The following KIF12 variants were observed in gnomAD, a reference collection of about 807,000 sequenced individuals.
KIF12 encodes kinesin-like protein KIF12.
In KIF12, 80 loss-of-function variants were observed where a neutral mutation model predicts 87.9. That is an observed-to-expected ratio of 0.91 (90% confidence interval 0.76 to 1.10). KIF12 has a LOEUF of 1.10. Ranked by LOEUF, KIF12 falls within the 50% of genes least tolerant of loss-of-function variation. KIF12 has a pLI of 0.00. For missense variants in KIF12, 819 were observed against 865.3 expected (o/e 0.95, Z 0.67); for synonymous variants, 353 against 348.5 (o/e 1.01, Z -0.14).
chr9:114,097,366 T>A lies in KIF12; in HGVS notation c.581A>T (p.Tyr194Phe). The change falls in exon 7 of 19, where the codon TAT becomes TTT. Residue 194 changes from tyrosine (Y) to phenylalanine (F), a missense_variant. Physicochemically the swap from Tyr to Phe is conservative, Grantham distance 22. Coordinates refer to ENST00000640217, the MANE Select transcript of KIF12 (RefSeq NM_001388308.1). Reference sequence around the variant, plus strand: ...TTCCACCACCCGCAGCTGCTCCACATAGAAGCCCCGAGTCTTGTTCCAGCG... The same window carrying A: ...TTCCACCACCCGCAGCTGCTCCACAAAGAAGCCCCGAGTCTTGTTCCAGCG... ...PVRWNKTRGF[Y>F]VEQLRVVEFG... The A allele has an allele frequency of 6.2e-7, 1 of 1,609,704 alleles. No individual in the cohort carries two copies. The highest frequency in any genetic ancestry group is 2.2e-5 in the East Asian group (1 of 44,786).
Position 114,097,648 on chromosome 9 carries a change from C to T in KIF12, c.469G>A (p.Val157Ile), listed in dbSNP as rs1359742737. Reference sequence around the variant, plus strand: ...TCCAGATAAGAGGCGCGAAGGGTGACAGGGGCACCCAGGTGCTGCACGCGG... The same window carrying T: ...TCCAGATAAGAGGCGCGAAGGGTGATAGGGGCACCCAGGTGCTGCACGCGG... Reference protein sequence around the residue: ...LDRVQHLGAPVTLRASYLEIY... With the variant: ...LDRVQHLGAPITLRASYLEIY... Residue 157 changes from valine (V) to isoleucine (I), a missense_variant, in exon 6 of 19, where the codon GTC becomes ATC. Physicochemically the swap from Val to Ile is conservative, Grantham distance 29 (BLOSUM62 3). Transcript: ENST00000640217. 6.2e-7 allele frequency: 1 copy of T among 1,613,056 alleles called. No individual in the cohort carries two copies. The highest frequency in any genetic ancestry group is 8.5e-7 in the Non-Finnish European group (1 of 1,179,720).
At chr9:114,094,552 C>T in intron 11 of KIF12, 97 bp from the exon 12 acceptor site, 1 of 703,228 alleles carries the variant, frequency 1.4e-6, no homozygotes, top group South Asian at 1.8e-5. Flanking sequence ...GCCTAAAATC[C>T]AGCCCATGCT....
In KIF12 at chr9:114,094,240, C is replaced by A. The variant is rs754456860; in HGVS notation, c.1254G>T (p.Trp418Cys). The A allele has an allele frequency of 4.3e-6, 7 of 1,614,046 alleles. No individual in the cohort carries two copies. The highest frequency in any genetic ancestry group is 5.9e-6 in the Non-Finnish European group (7 of 1,180,014). ...ASGLSGARVA[W>C]AQRNLYGMLQ... ...GCATCCCGTACAGGTTCCGCTGGGC[C>A]CAGGCCACCCGGGCTCCACTGAGCC... Residue 418 changes from tryptophan to cysteine, a missense_variant, in exon 13 of 19, where the codon TGG (tryptophan) becomes TGT (cysteine). Coordinates refer to ENST00000640217, the MANE Select transcript of KIF12 (RefSeq NM_001388308.1).
intron 5 of KIF12, 70 bp from the exon 6 acceptor site, chr9:114,097,811 T>C: frequency 1.3e-6 from 2 of 1,503,780 alleles, no homozygotes; most frequent in South Asian, 2.5e-5. Flanking sequence ...GCATGTATGA[T>C]ACCGTGCGCC....
chr9:114,099,094 T>A lies in KIF12; in HGVS notation c.92+10A>T. 6.4e-7 allele frequency: 1 copy of A among 1,550,442 alleles called. No individual in the cohort carries two copies. The highest frequency in any genetic ancestry group is 1.2e-5 in the South Asian group (1 of 84,046). On this transcript the variant is annotated intron_variant, in intron 2 of 18. Transcript: ENST00000640217. ...CTCGCCCAGGTGCCTCCTAGCCAAT[T>A]TATACCCACCTGAGCACCACCTGGA...
chr9:114,097,985 T>C (rs1450413061), intron 5 of KIF12, 130 bp downstream of exon 5: 7 of 1,032,816 alleles, frequency 6.8e-6, no homozygotes, highest in Non-Finnish European at 8.3e-6. Flanking sequence ...AGCGTCCTCG[T>C]CTGCAAACAA....
rs779584009 is a variant in KIF12, at chr9:114,095,384, T to G, written c.896-52A>C. 3.2e-6 allele frequency: 5 copies of G among 1,562,746 alleles called. No individual in the cohort carries two copies. The South Asian group carries it at 4.6e-5, about 15-fold the overall frequency. On this transcript the variant is annotated intron_variant, in intron 9 of 18. Transcript: ENST00000640217. ...AGGTTACATCACTTGCCTAGGGCCA[T>G]CAGGCTGGGATGCTGCAGAGTTGGG...
chr9:114,097,949 G>T (rs1588508299), intron 5 of KIF12, 166 bp downstream of exon 5: 2 of 931,552 alleles, frequency 2.1e-6, no homozygotes, highest in South Asian at 1.8e-5. Flanking sequence ...GCTCCAAATT[G>T]GGCAAGTCCC....
In KIF12 at chr9:114,096,186, C is replaced by A; in HGVS notation, c.760G>T (p.Asp254Tyr). The A allele has an allele frequency of 6.2e-7, 1 of 1,613,938 alleles. No individual in the cohort carries two copies. The highest frequency in any genetic ancestry group is 8.5e-7 in the Non-Finnish European group (1 of 1,179,998). ...RQTAQQMPSV[D>Y]PGEPPVGGKL... ...CCACCAACAGGGGGCTCCCCAGGGT[C>A]CACAGAAGGCATCTGCTGGGCCTGA... is the stretch of plus-strand genomic sequence containing the variant. Residue 254 changes from aspartate (D) to tyrosine (Y), a missense_variant, in exon 9 of 19, where the codon GAC (aspartate) becomes TAC (tyrosine). Transcript: ENST00000640217.
rs774296266 is a variant in KIF12 at position 114,096,399 on chromosome 9, G to C, written c.726C>G (p.Ile242Met). 5.0e-6 allele frequency: 8 copies of C among 1,613,054 alleles called. No homozygotes were observed. Among genetic ancestry groups the C allele is most frequent in the South Asian group, 4.4e-5 (4 of 90,636 alleles). The change falls in exon 8 of 19, where the codon ATC becomes ATG. Residue 242 changes from isoleucine to methionine, a missense_variant. Ile to Met is a conservative substitution (Grantham distance 10). Transcript: ENST00000640217. ...SRSHALLTLY[I>M]SRQTAQQMPS... ...CTGGAGCACTCACAGTTTGACGGCT[G>C]ATGTAAAGGGTGAGCAGGGCATGGC... is the stretch of plus-strand genomic sequence containing the variant.
At chr9:114,097,170 T>G in intron 7 of KIF12, 131 bp downstream of exon 7, 1 of 1,223,358 alleles carries the variant, frequency 8.2e-7, no homozygotes, top group Non-Finnish European at 1.1e-6. Flanking sequence ...TGTGGTTTAC[T>G]GGTCCTTCCC....
intron 14 of KIF12, 75 bp from the exon 15 acceptor site, chr9:114,093,572 G>C (rs1564379868): frequency 1.7e-6 from 2 of 1,197,114 alleles, no homozygotes; most frequent in East Asian, 5.1e-5. Flanking sequence ...CCCCTTCCCA[G>C]CTAATACTCC....
rs1847173209 is a variant in KIF12 at position 114,095,239 on chromosome 9, A to G, written c.989T>C (p.Leu330Pro). 6 of 1,613,892 alleles carry G rather than the reference A, an allele frequency of 3.7e-6. No homozygotes were observed. Among genetic ancestry groups the G allele is most frequent in the Non-Finnish European group, 5.1e-6 (6 of 1,180,014 alleles). The change falls in exon 10 of 19, where the codon CTG becomes CCG. Residue 330 changes from leucine to proline, a missense_variant. Physicochemically the swap from Leu to Pro is moderately conservative, Grantham distance 98 (BLOSUM62 -3). Transcript: ENST00000640217. ...SKLTKLLADS[L>P]GGRGVTLMVA... ...CATGAGGGTGACCCCGCGCCCTCCC[A>G]GTGAGTCTGCCAGCAACTTGGTGAG...
chr9:114,095,022 C>T lies in KIF12; in HGVS notation c.1119+1G>A, dbSNP rs1324423360. ...CTCAGCTTGTGCCTGCCTATACTCACCTTGGGGGCCTGTGGTCGGGTGGTG... is the reference window on the plus strand; with the variant it reads ...CTCAGCTTGTGCCTGCCTATACTCATCTTGGGGGCCTGTGGTCGGGTGGTG... On this transcript the variant is annotated splice_donor_variant, in intron 11 of 18. Transcript: ENST00000640217. LOFTEE classifies it high-confidence loss of function. 1 of 1,585,974 alleles carries T rather than the reference C, an allele frequency of 6.3e-7. No homozygotes were observed.
intron 16 of KIF12, 159 bp from the exon 17 acceptor site, chr9:114,092,801 TGCA>T: frequency 6.8e-7 from 1 of 1,460,598 alleles, no homozygotes; most frequent in Non-Finnish European, 9.0e-7. Flanking sequence ...GCCTTCTGTG[TGCA>T]GCAGATGGTT....
chr9:114,093,777 C>T (rs1234449910), intron 14 of KIF12, 109 bp downstream of exon 14: 8 of 918,968 alleles, frequency 8.7e-6, no homozygotes, highest in East Asian at 2.5e-5. Flanking sequence ...GGAAACTGAA[C>T]CTAGTTGGTC....
Position 114,098,147 on chromosome 9 carries a change from TC to T in KIF12, c.342del (p.Lys115ArgfsTer5). The T allele has an allele frequency of 7.8e-6, 12 of 1,547,878 alleles. No individual in the cohort carries two copies. Among genetic ancestry groups the T allele is most frequent in the Non-Finnish European group, 1.0e-5 (12 of 1,146,214 alleles). ...GGGGGTCCAGTCAGGGTGTAGGTCT[TC>T]CCAGAGCCCGTCTGGCCAAAGGTGA... ...TVFTFGQTGSGKTYTLTGPPP... is the reference protein window; with the variant it reads ...TVFTFGQTGSXKTYTLTGPPP... On this transcript the variant is annotated frameshift_variant, in exon 5 of 19. Transcript: ENST00000640217. LOFTEE classifies it high-confidence loss of function.
rs968284883 is a variant in KIF12, at chr9:114,093,954, C to A, written c.1332G>T (p.Leu444=). The change falls in exon 14 of 19, where the codon CTG becomes CTT. Residue 444 remains leucine, a synonymous_variant. Transcript: ENST00000640217. Reference sequence around the variant, plus strand: ...TCTGGGCCAGGTCTCGGCTATTCTGCAGCTGGCTCTTTTCTTTCCTAGGGG... The same window carrying A: ...TCTGGGCCAGGTCTCGGCTATTCTGAAGCTGGCTCTTTTCTTTCCTAGGGG... ...NERLRKEKSQ[L]QNSRDLAQNE... is the part of the protein sequence containing the mutation. 2 of 1,613,984 alleles carry A rather than the reference C, an allele frequency of 1.2e-6. No homozygotes were observed. The highest frequency in any genetic ancestry group is 1.7e-6 in the Non-Finnish European group (2 of 1,180,034).
At position 114,092,068 on chromosome 9, in the gene KIF12, C is replaced by G. The variant is rs530816861; in HGVS notation, c.1817-68G>C. 4 of 1,535,452 alleles carry G rather than the reference C, an allele frequency of 2.6e-6. No individual in the cohort carries two copies. In the East Asian group the frequency reaches 9.6e-5, roughly 37 times the overall value. The stretch of plus-strand genomic sequence containing the variant: ...TTCCTCACCCAGGTCCATCTGGGTC[C>G]CAACACCCTCTGGAGAAGCCTCAGG... On this transcript the variant is annotated intron_variant, in intron 18 of 18. Transcript: ENST00000640217.
Sources: allele counts gnomAD v4.1 joint callset, GRCh38; gene constraint gnomAD v4.1.1; transcripts MANE v1.5; gene names NCBI Gene and HGNC (gene_info 2026-07-23, HGNC 2026-07-21).